The following ZNF112 variants were observed in gnomAD, a reference collection of about 807,000 sequenced individuals.
ZNF112 encodes zinc finger protein 112 (Y14).
ZNF112 carries 37 observed loss-of-function variants against 77.7 expected under a neutral mutation model. The ratio of observed to expected loss-of-function variants is 0.48; its 90% CI spans 0.37 to 0.63. ZNF112 has a LOEUF of 0.63. Ranked by LOEUF, ZNF112 falls within the 20% of genes least tolerant of loss-of-function variation. The pLI is 0.00. For missense variants in ZNF112, 950 were observed against 1,077.4 expected (o/e 0.88, Z 1.66); for synonymous variants, 333 against 363.6 (o/e 0.92, Z 0.96).
chr19:44,336,685 T>C lies in ZNF112; in HGVS notation c.158A>G (p.Gln53Arg), dbSNP rs775877819. The stretch of plus-strand genomic sequence containing the variant: ...CAAAAGCTTTTCTTCTCTCTCCAGC[T>C]GGGATATTAGGTCTGGCTTGAAGGG... ...HQPFKPDLIS[Q>R]LEREEKLLMV... Residue 53 changes from glutamine (Q) to arginine (R), a missense_variant, in exon 3 of 4, where the codon CAG becomes CGG. Physicochemically the swap from Gln to Arg is conservative, Grantham distance 43 (BLOSUM62 1). Coordinates refer to ENST00000354340, the MANE Select transcript of ZNF112 (RefSeq NM_013380.4). 1.2e-6 allele frequency: 2 copies of C among 1,614,008 alleles called. No homozygotes were observed. The highest frequency in any genetic ancestry group is 2.2e-5 in the South Asian group (2 of 91,068).
At chr19:44,363,267 A>G (rs1199747089) in intron 1 of ZNF112, among the ~76,000 whole-genome samples, 1 of 152,150 alleles carries the variant, frequency 6.6e-6, no homozygotes, top group East Asian at 1.9e-4. Flanking sequence ...CACTGTGCCT[A>G]GCCCTGAAAT....
intron 1 of ZNF112, among the ~76,000 whole-genome samples, chr19:44,355,612 T>C (rs1465977599): frequency 6.6e-6 from 1 of 152,192 alleles, no homozygotes; most frequent in Non-Finnish European, 1.5e-5. Flanking sequence ...GACCTAAAGA[T>C]AAACCACCTA....
chr19:44,355,376 C>T (rs534814113), intron 1 of ZNF112, among the ~76,000 whole-genome samples: 2 of 151,970 alleles, frequency 1.3e-5, no homozygotes, highest in East Asian at 3.9e-4. Flanking sequence ...TTACAATATG[C>T]AATAATTTAT....
At chr19:44,364,245 A>C (rs998968796) in intron 1 of ZNF112, among the ~76,000 whole-genome samples, 1 of 152,088 alleles carries the variant, frequency 6.6e-6, no homozygotes, top group African/African-American at 2.4e-5. Flanking sequence ...CATTCTGGTG[A>C]TCTTGTAGTT....
At chr19:44,348,975 C>G (rs1970645083) in intron 1 of ZNF112, among the ~76,000 whole-genome samples, 1 of 151,886 alleles carries the variant, frequency 6.6e-6, no homozygotes, top group Admixed American at 6.6e-5. Flanking sequence ...TGTTTCTGTA[C>G]AGGATGTAAG....
At chr19:44,336,519 G>T in intron 3 of ZNF112, 104 bp downstream of exon 3, 1 of 970,834 alleles carries the variant, frequency 1.0e-6, no homozygotes, top group Non-Finnish European at 1.6e-6. Flanking sequence ...TACTATGTGT[G>T]AAATGGGGAG....
In ZNF112 at chr19:44,328,353, G is replaced by A; in HGVS notation, c.1804C>T (p.Pro602Ser). 6.2e-7 allele frequency: 1 copy of A among 1,613,750 alleles called. No individual in the cohort carries two copies. The highest frequency in any genetic ancestry group is 8.5e-7 in the Non-Finnish European group (1 of 1,179,944). The change falls in exon 4 of 4, where the codon CCA (proline) becomes TCA (serine). Residue 602 changes from proline to serine, a missense_variant. Pro to Ser is a moderately conservative substitution (Grantham distance 74). Around this residue, in one of 3 missense-constraint regions of ZNF112, gnomAD observed 373 missense variants for 482.8 expected, o/e 0.77. Coordinates refer to ENST00000354340, the MANE Select transcript of ZNF112 (RefSeq NM_013380.4). ...GHQRVHTGEK[P>S]YKCEECGKGF... ...TTCCCACACTCCTCACACTTGTATG[G>A]TTTTTCTCCAGTGTGAACTCTCTGA...
upstream of ZNF112, among the ~76,000 whole-genome samples, chr19:44,359,345 T>A (rs1970831728): frequency 7.9e-6 from 1 of 126,104 alleles, no homozygotes; most frequent in African/African-American, 3.4e-5. Flanking sequence ...TTTTTTTTTT[T>A]GAGAGTCTCG....
intron 3 of ZNF112, among the ~76,000 whole-genome samples, chr19:44,334,102 A>G (rs1050942283): frequency 3.3e-5 from 5 of 152,174 alleles, no homozygotes; most frequent in African/African-American, 1.2e-4. Flanking sequence ...CTGGTGATAT[A>G]TTTAGATATA....
chr19:44,331,774 T>C (rs1055072835), intron 3 of ZNF112, among the ~76,000 whole-genome samples: 3 of 152,256 alleles, frequency 2.0e-5, no homozygotes, highest in South Asian at 2.1e-4. Context: ...CTCTCACTCA[T>C]AGAACTAAAA....
intron 3 of ZNF112, among the ~76,000 whole-genome samples, chr19:44,331,931 G>C (rs1231699083): frequency 6.6e-6 from 1 of 152,146 alleles, no homozygotes; most frequent in Admixed American, 6.5e-5. Flanking sequence ...AATCTACTGT[G>C]GATGAAATAA....
upstream of ZNF112, among the ~76,000 whole-genome samples, chr19:44,361,303 G>A (rs1189511441): frequency 2.6e-5 from 4 of 152,074 alleles, no homozygotes; most frequent in Admixed American, 6.5e-5. Flanking sequence ...AATTTTTGTT[G>A]TGGGTGGTGA....
At chr19:44,341,944 A>C (rs541833858) in intron 1 of ZNF112, among the ~76,000 whole-genome samples, 1 of 151,928 alleles carries the variant, frequency 6.6e-6, no homozygotes, top group East Asian at 1.9e-4. Flanking sequence ...TATGCCTGAA[A>C]CTCTTGGCCC....
At chr19:44,343,266 C>A (rs1300388101) in intron 1 of ZNF112, 5 of 1,613,440 alleles carry the variant, frequency 3.1e-6, no homozygotes, top group Non-Finnish European at 4.2e-6. Flanking sequence ...GGAATTTGGT[C>A]ATTTTTCTCT....
At chr19:44,337,042 T>C (rs1235553594) in intron 2 of ZNF112, among the ~76,000 whole-genome samples, 3 of 151,308 alleles carry the variant, frequency 2.0e-5, no homozygotes, top group East Asian at 2.0e-4. Context: ...TATGCCCAGC[T>C]AAATTTTTTG....
chr19:44,364,361 T>C (rs556565190), intron 1 of ZNF112, among the ~76,000 whole-genome samples: 1 of 152,350 alleles, frequency 6.6e-6, no homozygotes, highest in Admixed American at 6.5e-5. Context: ...AAAGTAACTG[T>C]TCAAATTTTG....
chr19:44,353,914 A>G (rs1599936844), intron 1 of ZNF112, among the ~76,000 whole-genome samples: 1 of 152,192 alleles, frequency 6.6e-6, no homozygotes, highest in East Asian at 1.9e-4. Context: ...AAAACTGTAC[A>G]TGAATGTTTA....
intron 1 of ZNF112, among the ~76,000 whole-genome samples, chr19:44,353,229 A>G (rs1199082013): frequency 2.0e-5 from 3 of 152,044 alleles, no homozygotes; most frequent in African/African-American, 7.2e-5. Context: ...ATAAAACCCA[A>G]CTTAACCATC....
At chr19:44,330,260 T>C (rs1970245984) in intron 3 of ZNF112, among the ~76,000 whole-genome samples, 1 of 152,222 alleles carries the variant, frequency 6.6e-6, no homozygotes. Flanking sequence ...ATGCAAATAC[T>C]CTAAAATCTG....
Sources: gnomAD v4.1 joint callset for allele counts (sites outside exome capture counted in the v4.1 genomes callset) on GRCh38, gnomAD v4.1.1 for gene constraint, gnomAD v4.1.1 regional missense constraint, MANE v1.5 for transcripts, NCBI Gene and HGNC (gene_info 2026-07-23, HGNC 2026-07-21) for gene names.